SH3BP2: variants seen among roughly 807,000 people sequenced by gnomAD.
SH3BP2 encodes SH3 domain-binding protein 2.
A neutral mutation model predicts 56.2 loss-of-function variants in SH3BP2; 38 were observed. That is an observed-to-expected ratio of 0.68 (90% CI 0.52 to 0.89). The LOEUF (loss-of-function observed/expected upper bound fraction) is 0.89. SH3BP2 is among the 40% of genes least tolerant of loss of function. The pLI is 0.00. For missense variants in SH3BP2, 748 were observed against 762.6 expected (o/e 0.98, Z 0.23); for synonymous variants, 346 against 316.7 (o/e 1.09, Z -0.98).
intron 1 of SH3BP2, among the ~76,000 whole-genome samples, chr4:2,816,577 G>A (rs1190872259): frequency 6.6e-6 from 1 of 152,150 alleles, no homozygotes; most frequent in Non-Finnish European, 1.5e-5. Context: ...TTAGCTGTGG[G>A]TTTTTCATAG....
At chr4:2,803,080 A>T (rs1723377656) in intron 1 of SH3BP2, among the ~76,000 whole-genome samples, 1 of 152,192 alleles carries the variant, frequency 6.6e-6, no homozygotes, top group Non-Finnish European at 1.5e-5. Flanking sequence ...GGCCGCCAAG[A>T]CCGCCACGGT....
chr4:2,826,466 A>T (rs528722710), intron 5 of SH3BP2: 2 of 162,126 alleles, frequency 1.2e-5, no homozygotes, highest in East Asian at 3.7e-4. Context: ...GTGTGTGTGC[A>T]TGTCCGCGTG....
chr4:2,829,899 T>G lies in SH3BP2; in HGVS notation c.993T>G (p.Cys331Trp). ...TGGCCACTGCCACCTCCAGAAACTG[T>G]GACAAACTCAAGTCCTTCCACCTGT... ...AIMATATSRN[C>W]DKLKSFHLSP... Residue 331 changes from cysteine to tryptophan, a missense_variant, in exon 8 of 13, where the codon TGT becomes TGG. Coordinates refer to ENST00000503393, the MANE Select transcript of SH3BP2 (RefSeq NM_001122681.2). This position sits in a 1 kb window ranked among gnomAD's most constrained non-coding sequence, Gnocchi z 4.9. 6.2e-7 allele frequency: 1 copy of G among 1,613,836 alleles called. No homozygotes were observed. The highest frequency in any genetic ancestry group is 8.5e-7 in the Non-Finnish European group (1 of 1,180,004).
rs1467226889 is a variant in SH3BP2 at position 2,838,792 on chromosome 4, C to T, written c.*4958C>T. ...GTTTGTTTCTAGTTTGGGGTAACTA[C>T]ACACAATGCTGCTAGCAACAGTTTT... On this transcript the variant is annotated 3_prime_UTR_variant, in exon 13 of 13. Transcript: ENST00000503393. The T allele has an allele frequency of 2.0e-5, 3 of 152,180 alleles. No homozygotes were observed. Among genetic ancestry groups the T allele is most frequent in the Non-Finnish European group, 4.4e-5 (3 of 68,036 alleles). The allele number at this position is 152,180 out of a possible 1,614,324, so 9.4% of individuals were successfully genotyped here. A position where few individuals can be genotyped will look rare whatever the true frequency, so the allele number is the denominator to read the frequency against.
intron 1 of SH3BP2, among the ~76,000 whole-genome samples, chr4:2,819,572 C>T (rs1724189251): frequency 6.6e-6 from 1 of 152,302 alleles, no homozygotes; most frequent in African/African-American, 2.4e-5. Context: ...CTGCTCCCAT[C>T]CAACTCCACT....
chr4:2,830,928 G>A (rs1290704165), intron 8 of SH3BP2, among the ~76,000 whole-genome samples: 2 of 152,244 alleles, frequency 1.3e-5, no homozygotes, highest in Non-Finnish European at 2.9e-5. Context: ...CTGCCTGTGT[G>A]GAAGTGCCTC....
At chr4:2,832,871 C>T (rs954423697) in intron 11 of SH3BP2, 119 bp from the exon 12 acceptor site, 33 of 1,029,372 alleles carry the variant, frequency 3.2e-5, no homozygotes, top group Admixed American at 2.0e-4. Flanking sequence ...CTCCCCGCCC[C>T]CCGAGGGCCA....
At chr4:2,807,944 G>C (rs965448350) in intron 1 of SH3BP2, among the ~76,000 whole-genome samples, 6 of 152,280 alleles carry the variant, frequency 3.9e-5, no homozygotes, top group African/African-American at 1.4e-4. Context: ...TCACAGCCTT[G>C]TGGAGCCTGT....
At chr4:2,816,854 G>GTTTA (rs56917254) in intron 1 of SH3BP2, among the ~76,000 whole-genome samples, 24,444 of 152,114 alleles carry the variant, frequency 0.16, 2,923 homozygotes, top group African/African-American at 0.34. Context: ...TGTTGAGGAT[G>GTTTA]TTTATGTCTA....
rs2108741140 is a variant in SH3BP2, at chr4:2,831,644, A to G, written c.1315A>G (p.Thr439Ala). 2 of 1,594,670 alleles carry G rather than the reference A, an allele frequency of 1.3e-6. No individual in the cohort carries two copies. Among genetic ancestry groups the G allele is most frequent in the Non-Finnish European group, 1.7e-6 (2 of 1,169,802 alleles). Reference sequence around the variant, plus strand: ...GCCCCGGCAACCCTCACAGGCTGACACTGGCGGGGACGACTCGGACGAGGA... The same window carrying G: ...GCCCCGGCAACCCTCACAGGCTGACGCTGGCGGGGACGACTCGGACGAGGA... ...EKPRQPSQAD[T>A]GGDDSDEDYE... Residue 439 changes from threonine (T) to alanine (A), a missense_variant, in exon 9 of 13, where the codon ACT becomes GCT. Thr to Ala is a moderately conservative substitution (Grantham distance 58). This residue lies in a region of SH3BP2 where 635 missense variants were observed against 615.0 expected (regional missense o/e 1.03). Coordinates refer to ENST00000503393, the MANE Select transcript of SH3BP2 (RefSeq NM_001122681.2). This position sits in a 1 kb window ranked among gnomAD's most constrained non-coding sequence, Gnocchi z 4.1.
intron 11 of SH3BP2, 50 bp from the exon 12 acceptor site, chr4:2,832,940 G>A (rs1324166646): frequency 6.3e-7 from 1 of 1,582,172 alleles, no homozygotes; most frequent in South Asian, 1.1e-5. Flanking sequence ...TCCCGAGGCT[G>A]GTCCCGCTGT....
chr4:2,832,519 C>G, intron 11 of SH3BP2, 107 bp downstream of exon 11: 1 of 839,658 alleles, frequency 1.2e-6, no homozygotes, highest in South Asian at 1.3e-5. Context: ...CTTGTGGACT[C>G]TTACTTGGTG....
At position 2,823,031 on chromosome 4, in the gene SH3BP2, A is replaced by G. The variant is rs765115089; in HGVS notation, c.233A>G (p.Tyr78Cys). Reference protein sequence around the residue: ...SPQGAFSLSGYNRVMRAAEET... With the variant: ...SPQGAFSLSGCNRVMRAAEET... Reference sequence around the variant, plus strand: ...CAGGGCGCCTTCTCCCTGAGTGGCTATAACCGGTAAGTGCCCGACCTGCCT... The same window carrying G: ...CAGGGCGCCTTCTCCCTGAGTGGCTGTAACCGGTAAGTGCCCGACCTGCCT... Residue 78 changes from tyrosine (Y) to cysteine (C), a missense_variant, in exon 3 of 13, where the codon TAT (tyrosine) becomes TGT (cysteine). Around this residue, in one of 3 missense-constraint regions of SH3BP2, gnomAD observed 104 missense variants for 123.1 expected, o/e 0.84. Coordinates refer to ENST00000503393, the MANE Select transcript of SH3BP2 (RefSeq NM_001122681.2). 8 of 1,612,316 alleles carry G rather than the reference A, an allele frequency of 5.0e-6. No homozygotes were observed. Among genetic ancestry groups the G allele is most frequent in the South Asian group, 1.1e-5 (1 of 90,936 alleles).
chr4:2,803,300 C>T (rs1723388305), intron 1 of SH3BP2, among the ~76,000 whole-genome samples: 1 of 152,222 alleles, frequency 6.6e-6, no homozygotes, highest in African/African-American at 2.4e-5. Flanking sequence ...CTGCATGCCA[C>T]CCCAGCAGGA....
intron 8 of SH3BP2, among the ~76,000 whole-genome samples, chr4:2,830,788 G>C (rs1336820653): frequency 6.6e-6 from 1 of 152,242 alleles, no homozygotes; most frequent in Non-Finnish European, 1.5e-5. Flanking sequence ...TGCCTTGCCT[G>C]GCAGGCAAAG....
chr4:2,832,828 C>A (rs1488160982), intron 11 of SH3BP2, among the ~76,000 whole-genome samples, 162 bp from the exon 12 acceptor site: 3 of 152,194 alleles, frequency 2.0e-5, no homozygotes, highest in Non-Finnish European at 4.4e-5. Flanking sequence ...CCAGTGTCGC[C>A]CCCGCTGTCC....
intron 11 of SH3BP2, 85 bp downstream of exon 11, chr4:2,832,497 T>A: frequency 1.0e-6 from 1 of 986,594 alleles, no homozygotes; most frequent in Non-Finnish European, 1.6e-6. Context: ...CCACAGTTCC[T>A]AAACCACTCC....
chr4:2,823,521 A>G (rs1385699620), intron 3 of SH3BP2: 4 of 456,422 alleles, frequency 8.8e-6, no homozygotes, highest in Non-Finnish European at 1.8e-5. Context: ...GCTGGGCTCT[A>G]TCCAGTGATG....
At chr4:2,807,634 A>C (rs1475476085) in intron 1 of SH3BP2, among the ~76,000 whole-genome samples, 1 of 152,174 alleles carries the variant, frequency 6.6e-6, no homozygotes, top group African/African-American at 2.4e-5. Flanking sequence ...AGTGCATGAC[A>C]GGTCCAGTGT....
Sources: gnomAD v4.1 joint callset for allele counts (sites outside exome capture counted in the v4.1 genomes callset) on GRCh38, gnomAD v4.1.1 for gene constraint, gnomAD v4.1.1 regional missense constraint, Gnocchi (gnomAD v3.1) non-coding constraint, MANE v1.5 for transcripts, NCBI Gene and HGNC (gene_info 2026-07-23, HGNC 2026-07-21) for gene names.